Variants in SCN11A observed in about 807,000 individuals in gnomAD.
SCN11A encodes sodium channel protein type 11 subunit alpha.
A neutral mutation model predicts 162.2 loss-of-function variants in SCN11A; 122 were observed. The observed-to-expected ratio is 0.75, with a 90% CI of 0.65 to 0.87. SCN11A has a LOEUF of 0.87. Among genes scored for constraint, SCN11A ranks in the 40% least tolerant of loss-of-function variants. The probability of loss-of-function intolerance (pLI) is 0.00; values close to 1 mark genes in which losing one functional copy is unlikely to be tolerated. For missense variants in SCN11A, 2,015 were observed against 2,181.6 expected (o/e 0.92, Z 1.52); for synonymous variants, 758 against 751.5 (o/e 1.01, Z -0.14).
At chr3:38,860,868 T>C (rs2064951951) in intron 28 of SCN11A, among the ~76,000 whole-genome samples, 1 of 152,088 alleles carries the variant, frequency 6.6e-6, no homozygotes, top group Non-Finnish European at 1.5e-5. Context: ...CTATTCAACA[T>C]AGCACTCAGA....
intron 7 of SCN11A, among the ~76,000 whole-genome samples, chr3:38,932,585 G>A (rs577590745): frequency 7.2e-5 from 11 of 152,232 alleles, no homozygotes; most frequent in South Asian, 6.2e-4. Flanking sequence ...CACCTGGCTC[G>A]GAGGGTCCTA....
At chr3:39,017,984 A>T (rs1033914780) in intron 2 of SCN11A, among the ~76,000 whole-genome samples, 2 of 152,154 alleles carry the variant, frequency 1.3e-5, no homozygotes, top group Non-Finnish European at 2.9e-5. Flanking sequence ...GAACACCATT[A>T]ATTTATTTGG....
intron 2 of SCN11A, among the ~76,000 whole-genome samples, chr3:38,990,942 C>T (rs928696124): frequency 2.0e-5 from 3 of 152,038 alleles, no homozygotes; most frequent in Non-Finnish European, 4.4e-5. Flanking sequence ...ACTGCAGGCA[C>T]AAATGCACAG....
At chr3:38,965,466 T>G (rs2066775924) in intron 2 of SCN11A, among the ~76,000 whole-genome samples, 4 of 152,264 alleles carry the variant, frequency 2.6e-5, no homozygotes, top group African/African-American at 9.6e-5. Flanking sequence ...CCTCTCATCT[T>G]GACCATCATG....
chr3:38,890,875 A>C (rs2065488289), intron 19 of SCN11A, among the ~76,000 whole-genome samples: 1 of 152,236 alleles, frequency 6.6e-6, no homozygotes, highest in African/African-American at 2.4e-5. Flanking sequence ...AGCAGATTCC[A>C]CTAAAATAGT....
In SCN11A at chr3:38,910,107, G is replaced by A. The variant is rs753507140; in HGVS notation, c.1060C>T (p.Arg354Trp). ...NFGWSFLAMF[R>W]LMTQDSWEKL... ...TCCCAGGAATCTTGGGTCATCAGCC[G>A]GAACATGGCAAGAAAAGACCAGCCA... Residue 354 changes from arginine (R) to tryptophan (W), a missense_variant, in exon 12 of 30, where the codon CGG becomes TGG. Arg to Trp is a moderately radical substitution (Grantham distance 101, BLOSUM62 -3). Transcript: ENST00000302328. 12 of 1,613,604 alleles carry A rather than the reference G, an allele frequency of 7.4e-6. No individual in the cohort carries two copies. Among genetic ancestry groups the A allele is most frequent in the South Asian group, 3.3e-5 (3 of 91,058 alleles).
intron 23 of SCN11A, among the ~76,000 whole-genome samples, chr3:38,875,427 C>T (rs1326132949): frequency 6.6e-6 from 1 of 151,956 alleles, no homozygotes; most frequent in Non-Finnish European, 1.5e-5. Flanking sequence ...ATCTGGGCCT[C>T]TTGATGATAT....
intron 2 of SCN11A, among the ~76,000 whole-genome samples, chr3:38,997,921 T>C (rs1230514211): frequency 6.6e-6 from 1 of 152,176 alleles, no homozygotes; most frequent in Admixed American, 6.5e-5. Flanking sequence ...ATTCAAGATA[T>C]CCTCACTTGG....
At chr3:38,851,645 C>A (rs571092499) in intron 28 of SCN11A, among the ~76,000 whole-genome samples, 2 of 152,268 alleles carry the variant, frequency 1.3e-5, no homozygotes, top group East Asian at 3.8e-4. Flanking sequence ...CTTGACTATA[C>A]GTTGGTTGCT....
chr3:39,014,132 G>A (rs1036647439), intron 2 of SCN11A, among the ~76,000 whole-genome samples: 3 of 152,040 alleles, frequency 2.0e-5, no homozygotes, highest in African/African-American at 4.8e-5. Context: ...GTCCTTACTC[G>A]TCCTGAATTT....
At chr3:38,885,449 CT>C in intron 20 of SCN11A, 47 bp from the exon 21 acceptor site, 1 of 1,002,812 alleles carries the variant, frequency 1.0e-6, no homozygotes, top group Non-Finnish European at 1.6e-6. Flanking sequence ...CTAAGACCTT[CT>C]TTCACCATAG....
At chr3:38,875,273 G>C (rs537408831) in intron 23 of SCN11A, among the ~76,000 whole-genome samples, 71 of 152,152 alleles carry the variant, frequency 4.7e-4, no homozygotes, top group Non-Finnish European at 9.4e-4. Context: ...ATTCATTTCT[G>C]TTCTATTCAT....
rs571192669 is a variant in SCN11A at position 38,946,852 on chromosome 3, G to C, written c.323C>G (p.Ala108Gly). ...ATTGAAAGGCCCAAAAATGAACAAGGCATGCTTGGCACTGAAGCGGTAGAT... is the reference window on the plus strand; with the variant it reads ...ATTGAAAGGCCCAAAAATGAACAAGCCATGCTTGGCACTGAAGCGGTAGAT... Reference protein sequence around the residue: ...RTIYRFSAKHALFIFGPFNSI... With the variant: ...RTIYRFSAKHGLFIFGPFNSI... Residue 108 changes from alanine to glycine, a missense_variant, in exon 6 of 30, where the codon GCC becomes GGC. Coordinates refer to ENST00000302328, the MANE Select transcript of SCN11A (RefSeq NM_001349253.2). 8 of 1,613,900 alleles carry C rather than the reference G, an allele frequency of 5.0e-6. No individual in the cohort carries two copies. In the East Asian group the frequency reaches 1.8e-4, roughly 36 times the overall value.
At chr3:38,934,933 C>G (rs966326880) in intron 7 of SCN11A, among the ~76,000 whole-genome samples, 2 of 151,166 alleles carry the variant, frequency 1.3e-5, no homozygotes, top group African/African-American at 4.9e-5. Context: ...ACATTTTTTT[C>G]AGCACCACAC....
At chr3:38,937,653 C>T (rs1341091092) in intron 7 of SCN11A, among the ~76,000 whole-genome samples, 1 of 151,816 alleles carries the variant, frequency 6.6e-6, no homozygotes, top group Non-Finnish European at 1.5e-5. Context: ...CAGAGAAATG[C>T]AAATCAAAAC....
At chr3:38,950,442 T>A (rs537475474) in intron 4 of SCN11A, 73 bp from the exon 5 acceptor site, 50 of 1,480,188 alleles carry the variant, frequency 3.4e-5, no homozygotes, top group Non-Finnish European at 4.5e-5. Context: ...TGCCCTAGGA[T>A]TCCAGTCTTA....
chr3:38,920,684 CAAAAA>C (rs36096755), intron 10 of SCN11A, among the ~76,000 whole-genome samples: 1 of 55,988 alleles, frequency 1.8e-5, no homozygotes. Context: ...GACTCCATCT[CAAAAA>C]AAAAAAAAAA....
rs756876441 is a variant in SCN11A at position 39,034,532 on chromosome 3, C to T, written c.-403-2029G>A. ...TGCAGAAGAACTGAAAGTCTTTCCT[C>T]GAAGATCTGGAACACAACAAAGATG... On this transcript the variant is annotated intron_variant, in intron 1 of 29. Transcript: ENST00000302328. Among the ~76,000 whole-genome samples, 13 of 152,260 alleles carry T rather than the reference C, an allele frequency of 8.5e-5. No individual in the cohort carries two copies. The East Asian group carries it at 2.3e-3, about 27-fold the overall frequency.
Position 38,964,148 on chromosome 3 carries a change from G to A in SCN11A, c.-279-3725C>T, listed in dbSNP as rs545684284. On this transcript the variant is annotated intron_variant, in intron 2 of 29. Transcript: ENST00000302328. The stretch of plus-strand genomic sequence containing the variant: ...TGCTGGGTCCACATTGTAAGAGGAT[G>A]TCAACAACAGACACGTTCAGAGGCG... Among the ~76,000 whole-genome samples the A allele has an allele frequency of 2.0e-5, 3 of 152,322 alleles. No homozygotes were observed. In the East Asian group the frequency reaches 5.8e-4, roughly 29 times the overall value.
Sources: gnomAD v4.1 joint callset for allele counts (sites outside exome capture counted in the v4.1 genomes callset) on GRCh38, gnomAD v4.1.1 for gene constraint, MANE v1.5 for transcripts, NCBI Gene and HGNC (gene_info 2026-07-23, HGNC 2026-07-21) for gene names.